BCAR3: variants seen among roughly 807,000 people sequenced by gnomAD.
The protein encoded by BCAR3 is BCAR3 adaptor protein, NSP family member, also known as breast cancer anti-estrogen resistance protein 3.
BCAR3 carries 37 observed loss-of-function variants against 80.1 expected under a neutral mutation model. The ratio of observed to expected loss-of-function variants is 0.46; its 90% CI spans 0.36 to 0.61. The LOEUF (loss-of-function observed/expected upper bound fraction) is 0.61, where lower values mean the gene tolerates loss of function less well. BCAR3 is among the 20% of genes least tolerant of loss of function. The pLI is 0.00. For missense variants in BCAR3, 978 were observed against 1,068.2 expected (o/e 0.92, Z 1.18); for synonymous variants, 389 against 418.9 (o/e 0.93, Z 0.87).
chr1:93,626,576 T>C (rs1021161921), intron 3 of BCAR3, among the ~76,000 whole-genome samples: 3 of 152,198 alleles, frequency 2.0e-5, no homozygotes, highest in Admixed American at 6.5e-5. Flanking sequence ...GCAAAAGCTA[T>C]GATGGGTTAA....
intron 3 of BCAR3, among the ~76,000 whole-genome samples, chr1:93,624,985 C>T (rs765775559): frequency 2.0e-5 from 3 of 152,222 alleles, no homozygotes; most frequent in Non-Finnish European, 2.9e-5. Context: ...CCGAGGAGGG[C>T]GGATCACGAG....
In BCAR3 at chr1:93,765,138, A is replaced by T. The variant is rs964013653; in HGVS notation, c.-62-58996T>A. Among the ~76,000 whole-genome samples, 6 of 151,948 alleles carry T rather than the reference A, an allele frequency of 3.9e-5. No individual in the cohort carries two copies. In the East Asian group the frequency reaches 1.2e-3, roughly 29 times the overall value. ...GCTAGGACCCTGTATTTTCCTCCCAACTCCTAATTAAGGACCAAGTGGTTT... is the reference window on the plus strand; with the variant it reads ...GCTAGGACCCTGTATTTTCCTCCCATCTCCTAATTAAGGACCAAGTGGTTT... On this transcript the variant is annotated intron_variant, in intron 2 of 13. Transcript: ENST00000370244.
intron 3 of BCAR3, among the ~76,000 whole-genome samples, chr1:93,593,244 C>CATG (rs1289316181): frequency 6.6e-6 from 1 of 152,204 alleles, no homozygotes; most frequent in African/African-American, 2.4e-5. Flanking sequence ...GCTGAAAGTC[C>CATG]CATGAACAGA....
intron 2 of BCAR3, among the ~76,000 whole-genome samples, chr1:93,764,946 G>A (rs1409621088): frequency 6.7e-6 from 1 of 148,468 alleles, no homozygotes; most frequent in African/African-American, 2.6e-5. Context: ...TAGCACACAT[G>A]TTTGCATCTC....
At chr1:93,696,434 G>T in intron 3 of BCAR3, among the ~76,000 whole-genome samples, 1 of 152,030 alleles carries the variant, frequency 6.6e-6, no homozygotes, top group East Asian at 1.9e-4. Context: ...CTCTCACCAA[G>T]GCCTGGGGAC....
chr1:93,744,844 A>G (rs1651300502), intron 2 of BCAR3, among the ~76,000 whole-genome samples: 1 of 152,228 alleles, frequency 6.6e-6, no homozygotes, highest in African/African-American at 2.4e-5. Context: ...GAAAGCTGCC[A>G]TGGTGTCTGA....
At chr1:93,593,086 G>A (rs7551964) in intron 3 of BCAR3, among the ~76,000 whole-genome samples, 20,269 of 152,176 alleles carry the variant, frequency 0.13, 2,702 homozygotes, top group African/African-American at 0.33. Context: ...GGTCTGCGGC[G>A]TTGCACAGTG....
chr1:93,825,481 C>G lies in BCAR3; in HGVS notation c.-63+20086G>C, dbSNP rs1557700749. Among the ~76,000 whole-genome samples the G allele has an allele frequency of 6.7e-5, 9 of 134,504 alleles. 2 individuals carry two copies. Among genetic ancestry groups the G allele is most frequent in the Admixed American group, 5.4e-4 (7 of 12,944 alleles). 88.2% of individuals were successfully genotyped at this position (134,504 alleles called of 152,430 possible). A position where few individuals can be genotyped will look rare whatever the true frequency, so the allele number is the denominator to read the frequency against. On this transcript the variant is annotated intron_variant, in intron 2 of 13. Transcript: ENST00000370244. ...AACCTGAACAGTTAAAAGTTAAGGT[C>G]TCTTCAGAGAGGAAAGCAGAGGTCA...
intron 5 of BCAR3, 38 bp from the exon 6 acceptor site, chr1:93,584,159 A>G (rs1394127380): frequency 6.3e-7 from 1 of 1,576,260 alleles, no homozygotes; most frequent in East Asian, 2.2e-5. Flanking sequence ...ATGTGTTACT[A>G]ACGTGTAAAA....
intron 2 of BCAR3, among the ~76,000 whole-genome samples, chr1:93,775,908 G>T (rs1293175267): frequency 6.6e-6 from 1 of 152,126 alleles, no homozygotes; most frequent in Non-Finnish European, 1.5e-5. Context: ...TAATTTTTCT[G>T]CACTTTTTGA....
chr1:93,710,282 C>T (rs1165306766), intron 2 of BCAR3, among the ~76,000 whole-genome samples: 1 of 152,212 alleles, frequency 6.6e-6, no homozygotes, highest in Non-Finnish European at 1.5e-5. Flanking sequence ...AAGCACAGCT[C>T]TCTGCTGGGC....
At chr1:93,600,452 G>C (rs191112156) in intron 3 of BCAR3, among the ~76,000 whole-genome samples, 140 of 152,312 alleles carry the variant, frequency 9.2e-4, no homozygotes, top group African/African-American at 3.2e-3. Context: ...TTATGAAGTG[G>C]GTTCCAAGAG....
chr1:93,820,688 T>C (rs563419010), intron 2 of BCAR3, among the ~76,000 whole-genome samples: 125 of 152,138 alleles, frequency 8.2e-4, no homozygotes, highest in Non-Finnish European at 1.5e-3. Flanking sequence ...TTGTTTAGGG[T>C]TTTTGTGGAG....
At chr1:93,733,465 G>C (rs1309053614) in intron 2 of BCAR3, among the ~76,000 whole-genome samples, 5 of 152,208 alleles carry the variant, frequency 3.3e-5, no homozygotes, top group Non-Finnish European at 5.9e-5. Context: ...GGAGAGTTTA[G>C]AGGGGACACA....
At chr1:93,749,586 CAAAAAAA>C (rs1160570100) in intron 2 of BCAR3, among the ~76,000 whole-genome samples, 1 of 69,418 alleles carries the variant, frequency 1.4e-5, no homozygotes, top group Non-Finnish European at 3.1e-5. Flanking sequence ...GAGACTCCGT[CAAAAAAA>C]AAAAAAAAAA....
At position 93,818,678 on chromosome 1, in the gene BCAR3, T is replaced by G. The variant is rs1654100433; in HGVS notation, c.-63+26889A>C. On this transcript the variant is annotated intron_variant, in intron 2 of 13. Coordinates refer to the BCAR3 transcript ENST00000370244. ...ATTATATGTCAGGCATTATTCTAGG[T>G]GCTGGGTATAAAGCAAATTCTCACC... Among the ~76,000 whole-genome samples, 4 of 152,228 alleles carry G rather than the reference T, an allele frequency of 2.6e-5. No homozygotes were observed. The South Asian group carries it at 8.3e-4, about 32-fold the overall frequency.
chr1:93,828,506 C>T (rs746738544), intron 2 of BCAR3, among the ~76,000 whole-genome samples: 37 of 152,160 alleles, frequency 2.4e-4, no homozygotes, highest in Admixed American at 5.2e-4. Flanking sequence ...CTCCCCTCTG[C>T]CTGGGAGGAA....
chr1:93,669,808 A>G (rs1648117098), intron 2 of BCAR3, among the ~76,000 whole-genome samples: 1 of 152,218 alleles, frequency 6.6e-6, no homozygotes, highest in African/African-American at 2.4e-5. Flanking sequence ...GAGATTGGAG[A>G]CTATTATTCT....
chr1:93,726,052 G>C (rs537227324), intron 2 of BCAR3, among the ~76,000 whole-genome samples: 32 of 151,940 alleles, frequency 2.1e-4, no homozygotes, highest in Non-Finnish European at 4.3e-4. Context: ...TTCTTCAGAG[G>C]TTATTAGCTT....
Sources: allele counts gnomAD v4.1 joint callset (sites outside exome capture counted in the v4.1 genomes callset), GRCh38; gene constraint gnomAD v4.1.1; transcripts MANE v1.5; gene names NCBI Gene and HGNC (gene_info 2026-07-23, HGNC 2026-07-21).